Variants in CHCHD3 observed in about 807,000 individuals in gnomAD.
The protein encoded by CHCHD3 is MICOS complex subunit MIC19.
CHCHD3 carries 20 observed loss-of-function variants against 38.2 expected under a neutral mutation model. That is an observed-to-expected ratio of 0.52 (90% confidence interval 0.37 to 0.76). The LOEUF is 0.76. Ranked by LOEUF, CHCHD3 falls within the 30% of genes least tolerant of loss-of-function variation. CHCHD3 has a pLI of 0.00. For synonymous variants in CHCHD3, 82 were observed against 100.0 expected, an observed-to-expected ratio of 0.82 and a Z score of 1.07; for missense variants, 245 against 279.2, an observed-to-expected ratio of 0.88 and a Z score of 0.87.
chr7:133,081,784 G>C, intron 1 of CHCHD3, 73 bp downstream of exon 1: 3 of 1,457,578 alleles, frequency 2.1e-6, no homozygotes, highest in East Asian at 4.9e-5. Context: ...CCCAGGCTGA[G>C]CGGGTCCGGA....
intron 4 of CHCHD3, among the ~76,000 whole-genome samples, chr7:132,957,635 C>T (rs930898588): frequency 6.6e-6 from 1 of 152,124 alleles, no homozygotes; most frequent in African/African-American, 2.4e-5. Flanking sequence ...GCTGCGCCAC[C>T]GCACCTGGCT....
chr7:132,917,728 G>C (rs1056169684), intron 4 of CHCHD3, among the ~76,000 whole-genome samples: 1 of 151,744 alleles, frequency 6.6e-6, no homozygotes, highest in Non-Finnish European at 1.5e-5. Flanking sequence ...GTGTGTTGGC[G>C]GGCGCCTGTA....
At chr7:132,848,104 G>A (rs1172757229) in intron 5 of CHCHD3, among the ~76,000 whole-genome samples, 1 of 152,178 alleles carries the variant, frequency 6.6e-6, no homozygotes, top group Non-Finnish European at 1.5e-5. Context: ...GGCTGAAGGT[G>A]AGACTGTCCT....
intron 5 of CHCHD3, among the ~76,000 whole-genome samples, chr7:132,882,226 C>A (rs749907853): frequency 6.6e-6 from 1 of 152,030 alleles, no homozygotes; most frequent in Non-Finnish European, 1.5e-5. Flanking sequence ...GATAAAGAAC[C>A]AGACACCACA....
chr7:132,989,536 A>T (rs920039073), intron 3 of CHCHD3, among the ~76,000 whole-genome samples: 9 of 152,258 alleles, frequency 5.9e-5, no homozygotes, highest in African/African-American at 2.2e-4. Flanking sequence ...ATTACTTTAT[A>T]CCTAAAGTCC....
chr7:132,809,999 A>G (rs1034103703), intron 6 of CHCHD3, among the ~76,000 whole-genome samples: 1 of 152,210 alleles, frequency 6.6e-6, no homozygotes, highest in Non-Finnish European at 1.5e-5. Context: ...TAATCTCCTG[A>G]AAGTCCCTGG....
chr7:132,982,067 T>C (rs1811932387), intron 3 of CHCHD3, among the ~76,000 whole-genome samples: 1 of 152,184 alleles, frequency 6.6e-6, no homozygotes, highest in Non-Finnish European at 1.5e-5. Flanking sequence ...ACCATCCATT[T>C]TTAAACAGAA....
intron 2 of CHCHD3, among the ~76,000 whole-genome samples, chr7:133,037,295 T>G (rs1446398515): frequency 6.6e-6 from 1 of 152,180 alleles, no homozygotes; most frequent in Non-Finnish European, 1.5e-5. Flanking sequence ...GGGAGAACAA[T>G]ATACATTTTA....
intron 5 of CHCHD3, among the ~76,000 whole-genome samples, chr7:132,848,384 A>T (rs1808134773): frequency 6.6e-6 from 1 of 152,210 alleles, no homozygotes; most frequent in Non-Finnish European, 1.5e-5. Context: ...CAAAGGTGAG[A>T]GTTAAGCGCT....
At chr7:133,057,189 T>A (rs141420019) in intron 2 of CHCHD3, among the ~76,000 whole-genome samples, 26 of 151,992 alleles carry the variant, frequency 1.7e-4, no homozygotes, top group African/African-American at 6.0e-4. Flanking sequence ...AATAGGGAGG[T>A]GTTTGTTCAA....
At chr7:132,889,709 T>C (rs1369122319) in intron 4 of CHCHD3, among the ~76,000 whole-genome samples, 2 of 152,222 alleles carry the variant, frequency 1.3e-5, no homozygotes, top group South Asian at 2.1e-4. Context: ...AACACTTTAA[T>C]AGCACATTGC....
chr7:132,957,647 A>T (rs1811217100), intron 4 of CHCHD3, among the ~76,000 whole-genome samples: 2 of 151,954 alleles, frequency 1.3e-5, no homozygotes, highest in South Asian at 4.2e-4. Context: ...CACCTGGCTA[A>T]TTTTTGTATT....
intron 3 of CHCHD3, among the ~76,000 whole-genome samples, chr7:132,982,492 C>T (rs1811944726): frequency 6.6e-6 from 1 of 152,174 alleles, no homozygotes; most frequent in African/African-American, 2.4e-5. Context: ...ACCATGTTGG[C>T]CAGGCTGGTC....
intron 4 of CHCHD3, among the ~76,000 whole-genome samples, chr7:132,949,758 C>A (rs1810993277): frequency 1.3e-5 from 2 of 151,930 alleles, no homozygotes; most frequent in Non-Finnish European, 2.9e-5. Context: ...GCTTCCTAAT[C>A]ACCAAGAAAA....
chr7:132,991,557 C>A (rs115497761), intron 3 of CHCHD3, among the ~76,000 whole-genome samples: 2 of 151,942 alleles, frequency 1.3e-5, no homozygotes, highest in Admixed American at 6.6e-5. Flanking sequence ...AGTTACCATA[C>A]CCTCCCCCAA....
intron 6 of CHCHD3, among the ~76,000 whole-genome samples, chr7:132,824,149 T>C (rs759532857): frequency 9.2e-5 from 14 of 152,258 alleles, no homozygotes; most frequent in Non-Finnish European, 1.2e-4. Context: ...ACTCTAATTA[T>C]CATATAATAA....
chr7:132,793,015 C>G (rs1246915220), intron 7 of CHCHD3, among the ~76,000 whole-genome samples: 4 of 152,160 alleles, frequency 2.6e-5, no homozygotes, highest in Admixed American at 6.5e-5. Context: ...GACAGCAAAC[C>G]CTTTCGACAC....
At chr7:133,074,019 C>T (rs960968670) in intron 1 of CHCHD3, among the ~76,000 whole-genome samples, 4 of 152,182 alleles carry the variant, frequency 2.6e-5, no homozygotes, top group African/African-American at 9.7e-5. Context: ...AACAGTTGTC[C>T]ACTCCATTCC....
chr7:132,792,356 T>C (rs572076939), intron 7 of CHCHD3, among the ~76,000 whole-genome samples: 152 of 152,332 alleles, frequency 1.0e-3, no homozygotes, highest in Non-Finnish European at 1.8e-3. Flanking sequence ...TCACTGACTT[T>C]GGAGAAACTG....
Sources: allele counts gnomAD v4.1 joint callset (sites outside exome capture counted in the v4.1 genomes callset), GRCh38; gene constraint gnomAD v4.1.1; transcripts MANE v1.5; gene names NCBI Gene and HGNC (gene_info 2026-07-23, HGNC 2026-07-21).